CWC27: variants seen among roughly 807,000 people sequenced by gnomAD.
CWC27 encodes the protein spliceosome-associated protein CWC27 homolog.
CWC27 carries 47 observed loss-of-function variants against 63.6 expected under a neutral mutation model. The ratio of observed to expected loss-of-function variants is 0.74; its 90% CI spans 0.58 to 0.94. The LOEUF (loss-of-function observed/expected upper bound fraction) is 0.94, where lower values mean the gene tolerates loss of function less well. CWC27 is among the 40% of genes least tolerant of loss of function. The probability of loss-of-function intolerance (pLI) is 0.00; values close to 1 mark genes in which losing one functional copy is unlikely to be tolerated. For missense variants in CWC27, 495 were observed against 554.3 expected (o/e 0.89, Z 1.07); for synonymous variants, 175 against 179.8 (o/e 0.97, Z 0.22).
At chr5:64,946,998 A>G (rs1471696703) in intron 11 of CWC27, among the ~76,000 whole-genome samples, 1 of 152,060 alleles carries the variant, frequency 6.6e-6, no homozygotes, top group Non-Finnish European at 1.5e-5. Context: ...TGCATTTCTC[A>G]TCTGTCTCTG....
chr5:64,986,719 CT>C, intron 13 of CWC27, among the ~76,000 whole-genome samples: 1 of 150,934 alleles, frequency 6.6e-6, no homozygotes, highest in Admixed American at 6.6e-5. Flanking sequence ...GAGTTTCTTA[CT>C]GTCATGCTAA....
At chr5:65,006,954 AAAAGACAGAAAG>A (rs1358825112) in intron 13 of CWC27, among the ~76,000 whole-genome samples, 3 of 134,790 alleles carry the variant, frequency 2.2e-5, no homozygotes, top group East Asian at 4.3e-4. Context: ...CGTTTATTTA[AAAAGACAGAAAG>A]AAAGAAAGAA....
At chr5:64,989,858 G>A (rs955754965) in intron 13 of CWC27, among the ~76,000 whole-genome samples, 3 of 152,150 alleles carry the variant, frequency 2.0e-5, no homozygotes, top group Non-Finnish European at 4.4e-5. Flanking sequence ...TTAGATTTCT[G>A]TGGGGTGTGG....
intron 13 of CWC27, among the ~76,000 whole-genome samples, chr5:64,983,332 A>C (rs1176237286): frequency 6.6e-6 from 1 of 152,126 alleles, no homozygotes; most frequent in Non-Finnish European, 1.5e-5. Context: ...TATCTGCTTT[A>C]CTCTGTTTTA....
intron 11 of CWC27, among the ~76,000 whole-genome samples, chr5:64,905,001 G>A (rs1321108436): frequency 2.6e-5 from 4 of 152,040 alleles, no homozygotes; most frequent in Non-Finnish European, 5.9e-5. Context: ...AGGAGTTTGA[G>A]GCCAGCCTGG....
At chr5:64,781,371 A>G (rs1743682562) in intron 2 of CWC27, among the ~76,000 whole-genome samples, 1 of 152,124 alleles carries the variant, frequency 6.6e-6, no homozygotes. Context: ...ATATATTATG[A>G]GTTTGTGTGT....
At chr5:64,902,554 T>C (rs1279153918) in intron 11 of CWC27, among the ~76,000 whole-genome samples, 1 of 152,238 alleles carries the variant, frequency 6.6e-6, no homozygotes, top group Non-Finnish European at 1.5e-5. Context: ...TTATTCTATA[T>C]ATTATATATG....
At chr5:64,906,797 GT>G (rs1747652718) in intron 11 of CWC27, among the ~76,000 whole-genome samples, 1 of 152,234 alleles carries the variant, frequency 6.6e-6, no homozygotes, top group Admixed American at 6.5e-5. Context: ...GGTTTTTATG[GT>G]TTTAGGTCTA....
intron 10 of CWC27, chr5:64,807,841 C>G (rs961744419): frequency 8.5e-6 from 13 of 1,526,126 alleles, no homozygotes; most frequent in Non-Finnish European, 1.1e-5. Context: ...TCTTTCTCTT[C>G]CCCGCTTCGA....
chr5:64,915,305 A>G (rs1747868957), intron 11 of CWC27, among the ~76,000 whole-genome samples: 1 of 152,194 alleles, frequency 6.6e-6, no homozygotes, highest in Non-Finnish European at 1.5e-5. Flanking sequence ...TGCTTAAGTG[A>G]TAAAATTATA....
chr5:64,965,727 C>G (rs1041360129), intron 11 of CWC27, among the ~76,000 whole-genome samples: 1 of 152,098 alleles, frequency 6.6e-6, no homozygotes, highest in Non-Finnish European at 1.5e-5. Context: ...TAAGTCTTTT[C>G]TTTGTCATTT....
At chr5:64,900,120 T>A (rs1236302684) in intron 11 of CWC27, among the ~76,000 whole-genome samples, 4 of 152,270 alleles carry the variant, frequency 2.6e-5, no homozygotes. Flanking sequence ...GATAGGTGTA[T>A]GTTCAACTTT....
chr5:64,824,880 G>C (rs186293370), intron 10 of CWC27, among the ~76,000 whole-genome samples: 3 of 151,528 alleles, frequency 2.0e-5, no homozygotes, highest in African/African-American at 7.3e-5. Context: ...CTACAGGCAC[G>C]TACCACCATG....
intron 10 of CWC27, among the ~76,000 whole-genome samples, chr5:64,853,884 G>C (rs1746194955): frequency 6.6e-6 from 1 of 152,158 alleles, no homozygotes; most frequent in Non-Finnish European, 1.5e-5. Context: ...AGTCATGTTA[G>C]GTATATTCAC....
chr5:64,936,942 G>A (rs1178631076), intron 11 of CWC27, among the ~76,000 whole-genome samples: 2 of 152,098 alleles, frequency 1.3e-5, no homozygotes, highest in East Asian at 1.9e-4. Flanking sequence ...AACCAGTAAC[G>A]ATATCCCCTT....
Position 64,789,037 on chromosome 5 carries a change from C to A in CWC27, c.669+17C>A. The A allele has an allele frequency of 6.4e-7, 1 of 1,570,274 alleles. No homozygotes were observed. Among genetic ancestry groups the A allele is most frequent in the Non-Finnish European group, 8.7e-7 (1 of 1,153,938 alleles). ...GTTAGTCAGGTAATCTCTAATTTGC[C>A]CTTTGTTCTAACTTACAAAAGAGAT... On this transcript the variant is annotated intron_variant, in intron 7 of 13. Transcript: ENST00000381070.
At chr5:64,992,676 C>T (rs1029510177) in intron 13 of CWC27, among the ~76,000 whole-genome samples, 2 of 150,162 alleles carry the variant, frequency 1.3e-5, no homozygotes, top group Admixed American at 6.7e-5. Flanking sequence ...GGACTACAGG[C>T]GCCCGCCACC....
intron 10 of CWC27, among the ~76,000 whole-genome samples, chr5:64,817,761 G>A (rs2112240378): frequency 6.6e-6 from 1 of 152,094 alleles, no homozygotes; most frequent in Non-Finnish European, 1.5e-5. Flanking sequence ...TTTAGATATA[G>A]CTATACCATG....
chr5:64,801,699 T>C (rs1744495352), intron 9 of CWC27, among the ~76,000 whole-genome samples: 1 of 152,128 alleles, frequency 6.6e-6, no homozygotes, highest in South Asian at 2.1e-4. Flanking sequence ...ATATGGGAAA[T>C]GCTTGGATCA....
Sources: gnomAD v4.1 joint callset for allele counts (sites outside exome capture counted in the v4.1 genomes callset) on GRCh38, gnomAD v4.1.1 for gene constraint, MANE v1.5 for transcripts, NCBI Gene and HGNC (gene_info 2026-07-23, HGNC 2026-07-21) for gene names.